The following LDLRAP1 variants were observed in gnomAD, a reference collection of about 807,000 sequenced individuals.
The protein encoded by LDLRAP1 is low density lipoprotein receptor adapter protein 1.
Under a neutral mutation model 37.8 loss-of-function variants are expected in LDLRAP1, and 30 were observed. The observed-to-expected ratio is 0.79, with a 90% CI of 0.59 to 1.08. LDLRAP1 has a LOEUF of 1.08. LDLRAP1 is among the 50% of genes least tolerant of loss of function. The pLI, the probability that LDLRAP1 is intolerant of heterozygous loss-of-function variation, is 0.00. For missense variants in LDLRAP1, 375 were observed against 401.6 expected, an observed-to-expected ratio of 0.93 and a Z score of 0.57; for synonymous variants, 156 against 169.8, an observed-to-expected ratio of 0.92 and a Z score of 0.63.
intron 7 of LDLRAP1, chr1:25,564,165 C>T: frequency 2.9e-6 from 1 of 348,334 alleles, no homozygotes; most frequent in South Asian, 2.3e-5. Context: ...TGGGCAGTCA[C>T]CAGCTTGGTC....
Position 25,567,155 on chromosome 1 carries a change from T to A in LDLRAP1, c.*163T>A. 1 of 827,364 alleles carries A rather than the reference T, an allele frequency of 1.2e-6. No individual in the cohort carries two copies. The allele number at this position is 827,364 out of a possible 1,614,324, so 51.3% of individuals were successfully genotyped here. On this transcript the variant is annotated 3_prime_UTR_variant, in exon 9 of 9. Transcript: ENST00000374338. ...GCCAGTCAGGCAGGGGAGAGATTTT[T>A]CTTTTAAGCCCTGCTCTTTCTCTGA... is the stretch of plus-strand genomic sequence containing the variant.
the LDLRAP1 span, among the ~76,000 whole-genome samples, chr1:25,582,541 T>C: frequency 1.6e-4 from 24 of 150,050 alleles, no homozygotes; most frequent in African/African-American, 4.2e-4. Context: ...TCCGAGATCG[T>C]GCCACTGCAC....
At chr1:25,569,861 G>A (rs1207286773), downstream of LDLRAP1, among the ~76,000 whole-genome samples, 1 of 152,164 alleles carries the variant, frequency 6.6e-6, no homozygotes, top group Non-Finnish European at 1.5e-5. Context: ...CCACAGCTGA[G>A]CCGCCAACCT....
chr1:25,588,340 C>T, the LDLRAP1 span, among the ~76,000 whole-genome samples: 2 of 152,170 alleles, frequency 1.3e-5, no homozygotes, highest in African/African-American at 2.4e-5. Flanking sequence ...AAGAGGAAGG[C>T]ATCTGTCTCC....
At chr1:25,552,357 C>T (rs2044091196) in intron 1 of LDLRAP1, among the ~76,000 whole-genome samples, 1 of 152,150 alleles carries the variant, frequency 6.6e-6, no homozygotes, top group Admixed American at 6.5e-5. Flanking sequence ...GTGAGGAAGG[C>T]CTCAGGAGGA....
In LDLRAP1 at chr1:25,555,156, C is replaced by T. The variant is rs774968095; in HGVS notation, c.344+184C>T. 3.3e-5 allele frequency among the ~76,000 whole-genome samples: 5 copies of T among 152,182 alleles called. No homozygotes were observed. The highest frequency in any genetic ancestry group is 2.1e-4 in the South Asian group (1 of 4,824). ...GCGCTGTTAGGAAACGTGGAGTGCA[C>T]GGCACCTGGCTCATGATGAGCATTT... On this transcript the variant is annotated intron_variant, in intron 3 of 8. Transcript: ENST00000374338. The surrounding 1 kb of genome is among the most constrained non-coding windows in gnomAD (Gnocchi z 4.7).
the LDLRAP1 span, among the ~76,000 whole-genome samples, chr1:25,582,157 A>G: frequency 2.6e-5 from 4 of 152,236 alleles, no homozygotes; most frequent in African/African-American, 9.6e-5. Context: ...CTCTCAAATA[A>G]GGGAAGCTCT....
rs971177740 is a variant in LDLRAP1, at chr1:25,554,598, C to G, written c.232-262C>G. 6.6e-6 allele frequency among the ~76,000 whole-genome samples: 1 copy of G among 152,228 alleles called. No homozygotes were observed. The highest frequency in any genetic ancestry group is 2.4e-5 in the African/African-American group (1 of 41,454). On this transcript the variant is annotated intron_variant, in intron 2 of 8. Transcript: ENST00000374338. The surrounding 1 kb of genome is among the most constrained non-coding windows in gnomAD (Gnocchi z 5.4). The stretch of plus-strand genomic sequence containing the variant: ...TAGCTGTGTGTCCTTGGGTAAGTCC[C>G]TTAGCCTCTCTGAGTCCATCTCTGG...
At chr1:25,543,859 A>C in intron 1 of LDLRAP1, 73 bp downstream of exon 1, 1 of 988,600 alleles carries the variant, frequency 1.0e-6, no homozygotes, top group Non-Finnish European at 1.3e-6. Flanking sequence ...GGGCGCCCGG[A>C]GTGCGGCCAA....
Position 25,567,860 on chromosome 1 carries a change from C to G in LDLRAP1, c.*868C>G, listed in dbSNP as rs1057515495. 3 of 152,516 alleles carry G rather than the reference C, an allele frequency of 2.0e-5. No homozygotes were observed. The highest frequency in any genetic ancestry group is 4.1e-4 in the South Asian group (2 of 4,836). 9.4% of individuals were successfully genotyped at this position (152,516 alleles called of 1,614,324 possible). On this transcript the variant is annotated 3_prime_UTR_variant, in exon 9 of 9. Transcript: ENST00000374338. ...CAAGGCTGTGCTCTTCCTCTGGTTT[C>G]TGTGTGTCCGTTTGAGTGTCTGCGC...
chr1:25,556,446 C>G (rs1300988800), intron 3 of LDLRAP1, among the ~76,000 whole-genome samples: 1 of 152,198 alleles, frequency 6.6e-6, no homozygotes, highest in African/African-American at 2.4e-5. Flanking sequence ...CCTCGTCACA[C>G]ACGCACCCCA....
the LDLRAP1 span, among the ~76,000 whole-genome samples, chr1:25,582,053 A>G: frequency 2.6e-5 from 4 of 152,110 alleles, no homozygotes; most frequent in Non-Finnish European, 5.9e-5. Flanking sequence ...CCAGGGGTGG[A>G]ACTTATCTGG....
chr1:25,575,218 G>A, the LDLRAP1 span, among the ~76,000 whole-genome samples: 1 of 152,218 alleles, frequency 6.6e-6, no homozygotes, highest in Admixed American at 6.5e-5. Context: ...TAAACCTGGG[G>A]GCCTCCTGGG....
intron 4 of LDLRAP1, among the ~76,000 whole-genome samples, chr1:25,559,665 A>G (rs1212228491): frequency 6.6e-6 from 1 of 152,202 alleles, no homozygotes; most frequent in Non-Finnish European, 1.5e-5. Flanking sequence ...GCAGCCCAGC[A>G]TGGTGTAAAT....
In LDLRAP1 at chr1:25,567,070, G is replaced by A; in HGVS notation, c.*78G>A. The A allele has an allele frequency of 1.3e-6, 2 of 1,566,378 alleles. No individual in the cohort carries two copies. The highest frequency in any genetic ancestry group is 1.7e-6 in the Non-Finnish European group (2 of 1,144,418). Reference sequence around the variant, plus strand: ...CACCTGCTGCGGGGGAGCCAGTTCTGGGGCCCGCCTGCCACCTCTCCCAGC... The same window carrying A: ...CACCTGCTGCGGGGGAGCCAGTTCTAGGGCCCGCCTGCCACCTCTCCCAGC... On this transcript the variant is annotated 3_prime_UTR_variant, in exon 9 of 9. Coordinates refer to ENST00000374338, the MANE Select transcript of LDLRAP1 (RefSeq NM_015627.3).
At chr1:25,563,496 TG>T in intron 6 of LDLRAP1, 164 bp from the exon 7 acceptor site, 1 of 871,598 alleles carries the variant, frequency 1.1e-6, no homozygotes, top group Non-Finnish European at 1.8e-6. Context: ...TCTCACTCTG[TG>T]GGCAGCTGCG....
chr1:25,577,122 C>T, the LDLRAP1 span, among the ~76,000 whole-genome samples: 32 of 152,222 alleles, frequency 2.1e-4, no homozygotes, highest in Non-Finnish European at 3.8e-4. Context: ...TGAGAAAGAT[C>T]GGGAGGAAGC....
chr1:25,570,332 G>A (rs1027486622), downstream of LDLRAP1, among the ~76,000 whole-genome samples: 6 of 152,270 alleles, frequency 3.9e-5, no homozygotes, highest in Non-Finnish European at 8.8e-5. Context: ...CATAAGGGAT[G>A]AAGCCAGGGA....
In LDLRAP1 at chr1:25,567,177, C is replaced by T. The variant is rs924041472; in HGVS notation, c.*185C>T. The T allele has an allele frequency of 1.2e-5, 8 of 689,564 alleles. No homozygotes were observed. 42.7% of individuals were successfully genotyped at this position (689,564 alleles called of 1,614,324 possible). A position where few individuals can be genotyped will look rare whatever the true frequency, so the allele number is the denominator to read the frequency against. On this transcript the variant is annotated 3_prime_UTR_variant, in exon 9 of 9. Coordinates refer to ENST00000374338, the MANE Select transcript of LDLRAP1 (RefSeq NM_015627.3). ...TTTTCTTTTAAGCCCTGCTCTTTCT[C>T]TGAGAACCAAAAGATGCCTTGAATA...
Sources: gnomAD v4.1 joint callset for allele counts (sites outside exome capture counted in the v4.1 genomes callset) on GRCh38, gnomAD v4.1.1 for gene constraint, Gnocchi (gnomAD v3.1) non-coding constraint, MANE v1.5 for transcripts, NCBI Gene and HGNC (gene_info 2026-07-23, HGNC 2026-07-21) for gene names.